Variants in ARHGAP15 observed in about 807,000 individuals in gnomAD.
The protein encoded by ARHGAP15 is rho GTPase-activating protein 15.
Under a neutral mutation model 63.7 loss-of-function variants are expected in ARHGAP15, and 51 were observed. The ratio of observed to expected loss-of-function variants is 0.80; its 90% CI spans 0.64 to 1.01. ARHGAP15 has a LOEUF of 1.01. ARHGAP15 is among the 50% of genes least tolerant of loss of function. ARHGAP15 has a pLI of 0.00. For synonymous variants in ARHGAP15, 191 were observed against 193.8 expected (o/e 0.99, Z 0.12); for missense variants, 560 against 564.6 (o/e 0.99, Z 0.08).
chr2:143,506,231 C>T (rs1191654124), intron 9 of ARHGAP15, among the ~76,000 whole-genome samples: 1 of 152,152 alleles, frequency 6.6e-6, no homozygotes, highest in African/African-American at 2.4e-5. Context: ...TTCAACTCTT[C>T]TCAATCACTG....
chr2:143,244,439 GAGC>G (rs1693970882), intron 5 of ARHGAP15, among the ~76,000 whole-genome samples: 1 of 152,168 alleles, frequency 6.6e-6, no homozygotes, highest in African/African-American at 2.4e-5. Flanking sequence ...TCTTGAAAAT[GAGC>G]AAGATTACGG....
chr2:143,552,088 G>A (rs964121347), intron 10 of ARHGAP15, among the ~76,000 whole-genome samples: 2 of 152,162 alleles, frequency 1.3e-5, no homozygotes, highest in East Asian at 3.8e-4. Flanking sequence ...AAAGTATTGC[G>A]AGAATGGCAC....
intron 5 of ARHGAP15, among the ~76,000 whole-genome samples, chr2:143,235,668 G>A (rs1278348304): frequency 6.6e-6 from 1 of 152,224 alleles, no homozygotes; most frequent in Non-Finnish European, 1.5e-5. Context: ...CAAAGCAAGA[G>A]AGGATGCTCC....
At chr2:143,407,737 T>G (rs1214164864) in intron 6 of ARHGAP15, among the ~76,000 whole-genome samples, 1 of 151,596 alleles carries the variant, frequency 6.6e-6, no homozygotes, top group African/African-American at 2.4e-5. Context: ...CCTATTCTAT[T>G]TCTTGCATTT....
At position 143,153,873 on chromosome 2, in the gene ARHGAP15, T is replaced by TCCTCCTCCTCTTCC. The variant is rs1689967986; in HGVS notation, c.-14-1604_-14-1603insCCTCCTCCTCTTCC. On this transcript the variant is annotated intron_variant, in intron 1 of 13. Coordinates refer to ENST00000295095, the MANE Select transcript of ARHGAP15 (RefSeq NM_018460.4). ...CCTCCTCCTCCTCCTCCTCCTCCTC[T>TCCTCCTCCTCTTCC]TCCTCCTCCTCCTCCTCCTCCTCCT... Among the ~76,000 whole-genome samples, 9 of 46,904 alleles carry TCCTCCTCCTCTTCC rather than the reference T, an allele frequency of 1.9e-4. No individual in the cohort carries two copies. In the East Asian group the frequency reaches 4.6e-3, roughly 24 times the overall value. 30.8% of individuals were successfully genotyped at this position (46,904 alleles called of 152,430 possible). A position where few individuals can be genotyped will look rare whatever the true frequency, so the allele number is the denominator to read the frequency against.
chr2:143,229,527 C>T (rs1388794264), intron 5 of ARHGAP15, among the ~76,000 whole-genome samples: 1 of 152,112 alleles, frequency 6.6e-6, no homozygotes, highest in East Asian at 1.9e-4. Context: ...ACAAGAGCTA[C>T]CACAAGATGT....
intron 7 of ARHGAP15, 101 bp downstream of exon 7, chr2:143,435,800 A>G (rs969351019): frequency 8.4e-7 from 1 of 1,188,676 alleles, no homozygotes. Context: ...AATAGATCCT[A>G]TGGACTGAGA....
At chr2:143,454,707 T>C (rs1690565111) in intron 8 of ARHGAP15, among the ~76,000 whole-genome samples, 1 of 152,116 alleles carries the variant, frequency 6.6e-6, no homozygotes, top group African/African-American at 2.4e-5. Flanking sequence ...TTTTCTGTGT[T>C]GTAATATATT....
intron 6 of ARHGAP15, among the ~76,000 whole-genome samples, chr2:143,289,286 A>G (rs1487159190): frequency 6.6e-6 from 1 of 152,180 alleles, no homozygotes; most frequent in Non-Finnish European, 1.5e-5. Context: ...GACCAACTAT[A>G]CCAGGTTTGC....
chr2:143,507,653 T>C (rs541007389), intron 9 of ARHGAP15, among the ~76,000 whole-genome samples: 2 of 152,352 alleles, frequency 1.3e-5, no homozygotes, highest in Non-Finnish European at 2.9e-5. Context: ...AACTTCAGAC[T>C]TGCATATTCA....
chr2:143,449,992 C>G (rs1252045995), intron 8 of ARHGAP15, among the ~76,000 whole-genome samples: 1 of 151,398 alleles, frequency 6.6e-6, no homozygotes, highest in Admixed American at 6.6e-5. Context: ...TGCCTAGATT[C>G]ACTTCACTTA....
intron 6 of ARHGAP15, among the ~76,000 whole-genome samples, chr2:143,413,966 T>TGCGCGCGCGCGCGCGCGCGCGCGC (rs1553476592): frequency 1.7e-5 from 2 of 117,910 alleles, no homozygotes; most frequent in African/African-American, 3.5e-5. Context: ...TGTGTGTGTG[T>TGCGCGCGCGCGCGCGCGCGCGCGC]GCGCGCTCTC....
intron 9 of ARHGAP15, among the ~76,000 whole-genome samples, chr2:143,518,412 G>T (rs1331230490): frequency 6.6e-6 from 1 of 152,324 alleles, no homozygotes; most frequent in East Asian, 1.9e-4. Flanking sequence ...GGAAACATTA[G>T]TCTGGAGACA....
intron 13 of ARHGAP15, among the ~76,000 whole-genome samples, chr2:143,746,266 TA>T (rs1238887871): frequency 6.6e-6 from 1 of 150,550 alleles, no homozygotes; most frequent in Non-Finnish European, 1.5e-5. Flanking sequence ...CCACAGATGA[TA>T]TTTTGCACTT....
At chr2:143,435,503 A>T in intron 6 of ARHGAP15, 98 bp from the exon 7 acceptor site, 1 of 1,360,804 alleles carries the variant, frequency 7.3e-7, no homozygotes, top group Non-Finnish European at 9.5e-7. Context: ...TCATTTTATT[A>T]AACTGTGTTT....
intron 6 of ARHGAP15, among the ~76,000 whole-genome samples, chr2:143,424,138 G>C (rs1284761357): frequency 1.3e-5 from 2 of 152,058 alleles, no homozygotes; most frequent in Non-Finnish European, 2.9e-5. Context: ...TAAACAGACA[G>C]ACTACTAGGC....
At chr2:143,538,162 A>T (rs1694868908) in intron 10 of ARHGAP15, among the ~76,000 whole-genome samples, 1 of 152,122 alleles carries the variant, frequency 6.6e-6, no homozygotes, top group South Asian at 2.1e-4. Flanking sequence ...GAGTTCACTC[A>T]TGATTTGGCT....
rs887207915 is a variant in ARHGAP15 at position 143,432,526 on chromosome 2, G to A, written c.475-3075G>A. Among the ~76,000 whole-genome samples the A allele has an allele frequency of 3.3e-5, 5 of 151,960 alleles. No individual in the cohort carries two copies. The South Asian group carries it at 6.2e-4, about 19-fold the overall frequency. On this transcript the variant is annotated intron_variant, in intron 6 of 13. Coordinates refer to ENST00000295095, the MANE Select transcript of ARHGAP15 (RefSeq NM_018460.4). ...GCATCTACCTGCCTCCATATTAAGA[G>A]GAACCGTACCAAGGACACAGACTAT...
At position 143,326,684 on chromosome 2, in the gene ARHGAP15, T is replaced by C. The variant is rs537740306; in HGVS notation, c.474+76084T>C. On this transcript the variant is annotated intron_variant, in intron 6 of 13. Coordinates refer to ENST00000295095, the MANE Select transcript of ARHGAP15 (RefSeq NM_018460.4). Reference sequence around the variant, plus strand: ...TCTGAGTGTATGCATTCCTGACTTTTCTACCCTGTGATATTTAAATGAAAG... The same window carrying C: ...TCTGAGTGTATGCATTCCTGACTTTCCTACCCTGTGATATTTAAATGAAAG... 5.3e-5 allele frequency among the ~76,000 whole-genome samples: 8 copies of C among 152,266 alleles called. No homozygotes were observed. The East Asian group carries it at 1.5e-3, about 29-fold the overall frequency.
Sources: gnomAD v4.1 joint callset for allele counts (sites outside exome capture counted in the v4.1 genomes callset) on GRCh38, gnomAD v4.1.1 for gene constraint, MANE v1.5 for transcripts, NCBI Gene and HGNC (gene_info 2026-07-23, HGNC 2026-07-21) for gene names.